Variants in ABLIM2 observed in about 807,000 individuals in gnomAD.
The protein encoded by ABLIM2 is actin-binding LIM protein 2.
ABLIM2 carries 53 observed loss-of-function variants against 97.7 expected under a neutral mutation model. The observed-to-expected ratio is 0.54, with a 90% CI of 0.44 to 0.68. The LOEUF is 0.68. Ranked by LOEUF, ABLIM2 falls within the 30% of genes least tolerant of loss-of-function variation. The pLI, the probability that ABLIM2 is intolerant of heterozygous loss-of-function variation, is 0.00. For synonymous variants in ABLIM2, 361 were observed against 345.8 expected (o/e 1.04, Z -0.49); for missense variants, 835 against 867.2 (o/e 0.96, Z 0.47).
At chr4:8,099,846 A>T (rs190784547) in intron 2 of ABLIM2, among the ~76,000 whole-genome samples, 208 of 152,292 alleles carry the variant, frequency 1.4e-3, no homozygotes, top group African/African-American at 5.0e-3. Flanking sequence ...CTCCATCTCA[A>T]AACAAAAAAC....
chr4:7,995,712 C>T (rs1169593337), intron 16 of ABLIM2, among the ~76,000 whole-genome samples: 5 of 152,156 alleles, frequency 3.3e-5, no homozygotes, highest in East Asian at 3.9e-4. Context: ...CTTCTCCTAG[C>T]GGAGGAACTC....
intron 20 of ABLIM2, 30 bp from the exon 21 acceptor site, chr4:7,967,133 CCAGTTA>C: frequency 6.3e-7 from 1 of 1,580,536 alleles, no homozygotes; most frequent in Non-Finnish European, 8.7e-7. Context: ...ACAGAAGGGA[CCAGTTA>C]GCCACGCAGC....
chr4:8,015,356 A>C lies in ABLIM2; in HGVS notation c.1423+4262T>G, dbSNP rs979406713. Among the ~76,000 whole-genome samples, 5 of 152,058 alleles carry C rather than the reference A, an allele frequency of 3.3e-5. No homozygotes were observed. The highest frequency in any genetic ancestry group is 2.6e-4 in the Admixed American group (4 of 15,264). The stretch of plus-strand genomic sequence containing the variant: ...CGGCCATGAGGAACCCTCTAGGGAG[A>C]GGCTGAGTTCCTACTCCCCGGCTCC... On this transcript the variant is annotated intron_variant, in intron 14 of 20. Coordinates refer to ENST00000447017, the MANE Select transcript of ABLIM2 (RefSeq NM_001130083.2). The surrounding 1 kb of genome is among the most constrained non-coding windows in gnomAD (Gnocchi z 4.6).
Position 8,043,452 on chromosome 4 carries a change from C to A in ABLIM2, c.900+1712G>T, listed in dbSNP as rs1229195537. On this transcript the variant is annotated intron_variant, in intron 9 of 20. Coordinates refer to ENST00000447017, the MANE Select transcript of ABLIM2 (RefSeq NM_001130083.2). The surrounding 1 kb of genome is among the most constrained non-coding windows in gnomAD (Gnocchi z 4.8). ...CCCCGAATTCCTGTGTTGGTAAAGT[C>A]CTAACCCTCAGGACCTCAGAATGTG... Among the ~76,000 whole-genome samples the A allele has an allele frequency of 6.6e-6, 1 of 152,068 alleles. No homozygotes were observed. The highest frequency in any genetic ancestry group is 1.5e-5 in the Non-Finnish European group (1 of 68,010).
In ABLIM2 at chr4:8,057,234, G is replaced by T. The variant is rs1051971821; in HGVS notation, c.764-2988C>A. Among the ~76,000 whole-genome samples the T allele has an allele frequency of 3.3e-5, 5 of 151,792 alleles. No homozygotes were observed. The East Asian group carries it at 9.7e-4, about 29-fold the overall frequency. On this transcript the variant is annotated intron_variant, in intron 7 of 20. Transcript: ENST00000447017. ...ATGCCTCAGCCTTCTGAGTAGCTGG[G>T]ATTACAGGCATGCGCCACCACACCC...
At chr4:8,131,085 A>T (rs1192934372) in intron 1 of ABLIM2, among the ~76,000 whole-genome samples, 1 of 152,138 alleles carries the variant, frequency 6.6e-6, no homozygotes, top group Non-Finnish European at 1.5e-5. Flanking sequence ...CTGAGGGCCC[A>T]CTCAGATCAT....
At chr4:7,978,098 A>G (rs1447000038) in intron 20 of ABLIM2, among the ~76,000 whole-genome samples, 1 of 152,150 alleles carries the variant, frequency 6.6e-6, no homozygotes, top group Non-Finnish European at 1.5e-5. Flanking sequence ...TTAAATATAT[A>G]TTAAAAATAA....
At chr4:8,074,240 G>A (rs1814462373) in intron 6 of ABLIM2, among the ~76,000 whole-genome samples, 1 of 152,114 alleles carries the variant, frequency 6.6e-6, no homozygotes, top group Non-Finnish European at 1.5e-5. Flanking sequence ...GATCACTTGA[G>A]GCCAAGAGTT....
At chr4:7,991,974 G>C (rs1416947023) in intron 17 of ABLIM2, among the ~76,000 whole-genome samples, 1 of 152,212 alleles carries the variant, frequency 6.6e-6, no homozygotes, top group Non-Finnish European at 1.5e-5. Flanking sequence ...GAGGGGGCCA[G>C]TTTTTTAGTG....
chr4:8,150,266 A>T lies in ABLIM2; in HGVS notation c.10+8414T>A, dbSNP rs1712191306. On this transcript the variant is annotated intron_variant, in intron 1 of 20. Transcript: ENST00000447017. This position sits in a 1 kb window ranked among gnomAD's most constrained non-coding sequence, Gnocchi z 6.3. ...TCTGCAGAAGCAGAGGGTCAGAGAG[A>T]CAGGCCAGGCTGTCTTATGGAATGA... Among the ~76,000 whole-genome samples, 1 of 152,278 alleles carries T rather than the reference A, an allele frequency of 6.6e-6. No homozygotes were observed. The highest frequency in any genetic ancestry group is 2.4e-5 in the African/African-American group (1 of 41,558).
At chr4:8,039,871 A>C (rs950640816) in intron 9 of ABLIM2, among the ~76,000 whole-genome samples, 6 of 101,774 alleles carry the variant, frequency 5.9e-5, no homozygotes, top group Non-Finnish European at 1.0e-4. Flanking sequence ...TGTGCTGATT[A>C]CTGTTTTTTT....
intron 6 of ABLIM2, among the ~76,000 whole-genome samples, chr4:8,074,776 CTTTTT>C (rs71175458): frequency 9.5e-5 from 10 of 105,022 alleles, no homozygotes; most frequent in Non-Finnish European, 1.1e-4. Context: ...CCTGGTAATT[CTTTTT>C]TTTTTTTTTT....
chr4:8,070,830 G>T (rs73216481), intron 6 of ABLIM2, among the ~76,000 whole-genome samples: 20,882 of 152,040 alleles, frequency 0.14, 1,924 homozygotes, highest in East Asian at 0.33. Flanking sequence ...AAGGGAGGAG[G>T]AATTGATTCG....
chr4:8,118,202 T>C (rs1394207018), intron 1 of ABLIM2, among the ~76,000 whole-genome samples: 1 of 152,086 alleles, frequency 6.6e-6, no homozygotes, highest in Non-Finnish European at 1.5e-5. Flanking sequence ...CAGCATGAGC[T>C]CAACACACGC....
In ABLIM2 at chr4:7,972,655, G is replaced by A. The variant is rs994094189; in HGVS notation, c.1825-5552C>T. ...TGCCTGTCCTGCTCTCTGCTGTGGC[G>A]CCACGGGGGCTCCCCCGCCACTGTC... On this transcript the variant is annotated intron_variant, in intron 20 of 20. Coordinates refer to ENST00000447017, the MANE Select transcript of ABLIM2 (RefSeq NM_001130083.2). 3.9e-5 allele frequency among the ~76,000 whole-genome samples: 6 copies of A among 152,272 alleles called. No homozygotes were observed. The South Asian group carries it at 6.2e-4, about 16-fold the overall frequency.
chr4:8,056,263 GAAGGGGTTC>G (rs1214523496), intron 7 of ABLIM2, among the ~76,000 whole-genome samples: 2 of 151,090 alleles, frequency 1.3e-5, no homozygotes, highest in Non-Finnish European at 2.9e-5. Flanking sequence ...CCTACAAATG[GAAGGGGTTC>G]AGTGTAATAC....
rs1314489528 is a variant in ABLIM2 at position 8,123,611 on chromosome 4, G to A, written c.11-16974C>T. Reference sequence around the variant, plus strand: ...CCAGGCAGGGGAAACTGGCTGCAGAGGCTCTGTGACATTCACTAACCACCT... The same window carrying A: ...CCAGGCAGGGGAAACTGGCTGCAGAAGCTCTGTGACATTCACTAACCACCT... On this transcript the variant is annotated intron_variant, in intron 1 of 20. Transcript: ENST00000447017. The surrounding 1 kb of genome is among the most constrained non-coding windows in gnomAD (Gnocchi z 6.2). Among the ~76,000 whole-genome samples the A allele has an allele frequency of 6.6e-6, 1 of 152,242 alleles. No individual in the cohort carries two copies. Among genetic ancestry groups the A allele is most frequent in the Non-Finnish European group, 1.5e-5 (1 of 68,040 alleles).
At position 7,988,436 on chromosome 4, in the gene ABLIM2, A is replaced by G. The variant is rs181152310; in HGVS notation, c.1681-3543T>C. ...TACAGATGAGCCTTAGAGAGATTAA[A>G]TAACTTGCCTGAGATCATATGACAA... is the stretch of plus-strand genomic sequence containing the variant. On this transcript the variant is annotated intron_variant, in intron 17 of 20. Transcript: ENST00000447017. 7.1e-3 allele frequency among the ~76,000 whole-genome samples: 1,083 copies of G among 152,378 alleles called. 13 individuals are homozygous for G. The highest frequency in any genetic ancestry group is 0.025 in the African/African-American group (1,033 of 41,592).
chr4:8,054,466 G>A lies in ABLIM2; in HGVS notation c.764-220C>T, dbSNP rs1367214373. On this transcript the variant is annotated intron_variant, in intron 7 of 20. Coordinates refer to ENST00000447017, the MANE Select transcript of ABLIM2 (RefSeq NM_001130083.2). This position sits in a 1 kb window ranked among gnomAD's most constrained non-coding sequence, Gnocchi z 4.9. ...CTCAGGGGCTCACAGCCCAGTTGTG[G>A]GACGGAGGCAGCAAACAAACAGGGA... Among the ~76,000 whole-genome samples, 1 of 152,240 alleles carries A rather than the reference G, an allele frequency of 6.6e-6. No individual in the cohort carries two copies. The highest frequency in any genetic ancestry group is 1.5e-5 in the Non-Finnish European group (1 of 68,048).
Sources: allele counts gnomAD v4.1 joint callset (sites outside exome capture counted in the v4.1 genomes callset), GRCh38; gene constraint gnomAD v4.1.1; non-coding constraint Gnocchi (gnomAD v3.1); transcripts MANE v1.5; gene names NCBI Gene and HGNC (gene_info 2026-07-23, HGNC 2026-07-21).